Variants in SLAIN1 observed in about 807,000 individuals in gnomAD.
The protein encoded by SLAIN1 is SLAIN family member 1.
SLAIN1 carries 17 observed loss-of-function variants against 55.4 expected under a neutral mutation model. That is an observed-to-expected ratio of 0.31 (90% CI 0.21 to 0.46). The LOEUF (loss-of-function observed/expected upper bound fraction) is 0.46. Among genes scored for constraint, SLAIN1 ranks in the 20% least tolerant of loss-of-function variants. SLAIN1 has a pLI of 1.00. For missense variants in SLAIN1, 682 were observed against 785.1 expected, an observed-to-expected ratio of 0.87 and a Z score of 1.57; for synonymous variants, 348 against 337.4, an observed-to-expected ratio of 1.03 and a Z score of -0.35.
At chr13:77,750,257 A>AT (rs1300902680) in intron 4 of SLAIN1, among the ~76,000 whole-genome samples, 2 of 152,166 alleles carry the variant, frequency 1.3e-5, no homozygotes, top group Non-Finnish European at 2.9e-5. Flanking sequence ...TTATGATACT[A>AT]TTTTTTAACA....
chr13:77,755,330 GA>G (rs368459258), intron 5 of SLAIN1, among the ~76,000 whole-genome samples: 5,855 of 140,832 alleles, frequency 0.042, 198 homozygotes, highest in Admixed American at 0.077. Context: ...CTTGAAAAAA[GA>G]AAAAAAAAAA....
chr13:77,723,458 A>C (rs753284720), intron 2 of SLAIN1, among the ~76,000 whole-genome samples: 5 of 152,204 alleles, frequency 3.3e-5, no homozygotes, highest in Admixed American at 6.5e-5. Context: ...TGTGGCAGGT[A>C]AATTTTGAGA....
intron 2 of SLAIN1, among the ~76,000 whole-genome samples, chr13:77,721,734 C>G (rs532144434): frequency 2.0e-5 from 3 of 151,610 alleles, no homozygotes; most frequent in South Asian, 2.1e-4. Flanking sequence ...TCCAATATAA[C>G]TTTATTTACA....
intron 2 of SLAIN1, among the ~76,000 whole-genome samples, chr13:77,739,501 T>C (rs1873303024): frequency 6.6e-6 from 1 of 152,160 alleles, no homozygotes; most frequent in African/African-American, 2.4e-5. Context: ...TTTAGTTTAA[T>C]GCACTACCGA....
intron 2 of SLAIN1, among the ~76,000 whole-genome samples, chr13:77,738,257 C>CACAT (rs1411042145): frequency 1.3e-5 from 2 of 151,254 alleles, no homozygotes; most frequent in South Asian, 2.1e-4. Context: ...CACATATATA[C>CACAT]ATATACATAT....
At chr13:77,722,808 G>A (rs1594265858) in intron 2 of SLAIN1, among the ~76,000 whole-genome samples, 2 of 152,132 alleles carry the variant, frequency 1.3e-5, no homozygotes, top group Non-Finnish European at 2.9e-5. Flanking sequence ...GTGCAGTGGT[G>A]TAATCTCAGC....
At position 77,697,912 on chromosome 13, in the gene SLAIN1, C is replaced by T; in HGVS notation, c.-2C>T. Reference sequence around the variant, plus strand: ...GCGGCCGCGGCGCCCTCGGGGCCCACGATGATGGCGGAGCAGGTGAAATGC... The same window carrying T: ...GCGGCCGCGGCGCCCTCGGGGCCCATGATGATGGCGGAGCAGGTGAAATGC... On this transcript the variant is annotated 5_prime_UTR_variant, in exon 1 of 7. In the 5' UTR this introduces an upstream ATG that the reference lacks. Transcript: ENST00000418532. The T allele has an allele frequency of 2.2e-6, 3 of 1,392,460 alleles. No homozygotes were observed. Among genetic ancestry groups the T allele is most frequent in the Non-Finnish European group, 2.8e-6 (3 of 1,063,324 alleles). The allele number at this position is 1,392,460 out of a possible 1,614,324, so 86.3% of individuals were successfully genotyped here. A position where few individuals can be genotyped will look rare whatever the true frequency, so the allele number is the denominator to read the frequency against.
At chr13:77,755,441 T>C (rs1874529977) in intron 5 of SLAIN1, among the ~76,000 whole-genome samples, 1 of 152,178 alleles carries the variant, frequency 6.6e-6, no homozygotes, top group Non-Finnish European at 1.5e-5. Context: ...TGTGTATTAG[T>C]AGCAGATTTG....
chr13:77,701,889 G>T (rs1024481710), intron 1 of SLAIN1, among the ~76,000 whole-genome samples: 2 of 147,988 alleles, frequency 1.4e-5, no homozygotes, highest in Admixed American at 6.7e-5. Flanking sequence ...CTAGCATTAG[G>T]TATATCTCCC....
chr13:77,701,210 T>A (rs1353947299), intron 1 of SLAIN1, among the ~76,000 whole-genome samples: 1 of 150,098 alleles, frequency 6.7e-6, no homozygotes, highest in Non-Finnish European at 1.5e-5. Context: ...AAAATGTGTT[T>A]GCTTATTTAT....
intron 1 of SLAIN1, among the ~76,000 whole-genome samples, chr13:77,703,809 C>G (rs1259595525): frequency 6.7e-6 from 1 of 150,052 alleles, no homozygotes; most frequent in Non-Finnish European, 1.5e-5. Flanking sequence ...ATAAAACTTG[C>G]AGAGATTGAA....
intron 1 of SLAIN1, among the ~76,000 whole-genome samples, chr13:77,717,732 T>C (rs2091222074): frequency 6.6e-6 from 1 of 152,180 alleles, no homozygotes; most frequent in African/African-American, 2.4e-5. Flanking sequence ...TGAGTGCCTC[T>C]CAAGATGTGG....
Position 77,744,448 on chromosome 13 carries a change from A to T in SLAIN1, c.916+16A>T. On this transcript the variant is annotated intron_variant, in intron 3 of 6. Transcript: ENST00000418532. The stretch of plus-strand genomic sequence containing the variant: ...CAAGAAGAAAGTATGTGTTCTTTCT[A>T]AACTAGCAAAATGAGGCTTCCACTT... The T allele has an allele frequency of 6.2e-7, 1 of 1,608,058 alleles. No homozygotes were observed. Among genetic ancestry groups the T allele is most frequent in the Non-Finnish European group, 8.5e-7 (1 of 1,179,152 alleles).
intron 1 of SLAIN1, among the ~76,000 whole-genome samples, chr13:77,703,186 C>A (rs1436335883): frequency 3.3e-5 from 5 of 151,916 alleles, no homozygotes; most frequent in Admixed American, 2.0e-4. Flanking sequence ...TTAACTTTCC[C>A]AACTGGGAAA....
chr13:77,726,463 A>G (rs945076676), intron 2 of SLAIN1, among the ~76,000 whole-genome samples: 3 of 151,956 alleles, frequency 2.0e-5, no homozygotes, highest in African/African-American at 4.8e-5. Flanking sequence ...GTCTTACTCT[A>G]TTGCCTAGGC....
intron 1 of SLAIN1, among the ~76,000 whole-genome samples, chr13:77,710,095 G>C (rs575645236): frequency 7.2e-5 from 11 of 152,092 alleles, no homozygotes; most frequent in Admixed American, 2.0e-4. Context: ...CAATGGAAAG[G>C]AAAAACCAGT....
Position 77,763,210 on chromosome 13 carries a change from G to T in SLAIN1, c.1763G>T (p.Gly588Val). 2 of 1,613,794 alleles carry T rather than the reference G, an allele frequency of 1.2e-6. No homozygotes were observed. Among genetic ancestry groups the T allele is most frequent in the Non-Finnish European group, 1.7e-6 (2 of 1,179,726 alleles). Residue 588 changes from glycine (G) to valine (V), a missense_variant, in exon 7 of 7, where the codon GGT becomes GTT. Gly to Val is a moderately radical substitution (Grantham distance 109). This residue lies in a region of SLAIN1 where 244 missense variants were observed against 295.2 expected (regional missense o/e 0.83). Coordinates refer to ENST00000418532, the MANE Select transcript of SLAIN1 (RefSeq NM_001242868.2). ...CTGAGGGATGGAAATTGGAGAGATG[G>T]TTGCTACTAATGCAGTTTTATGTAC... ...STLRDGNWRD[G>V]CY
At chr13:77,761,678 AC>A (rs2154411123) in intron 6 of SLAIN1, among the ~76,000 whole-genome samples, 1 of 152,260 alleles carries the variant, frequency 6.6e-6, no homozygotes, top group South Asian at 2.1e-4. Flanking sequence ...AATGACATTC[AC>A]CTGGGGCTTT....
intron 1 of SLAIN1, among the ~76,000 whole-genome samples, chr13:77,716,387 A>T (rs1203616634): frequency 6.6e-6 from 1 of 151,444 alleles, no homozygotes; most frequent in Non-Finnish European, 1.5e-5. Flanking sequence ...TTCCATATGA[A>T]TTTTAGATCA....
Sources: gnomAD v4.1 joint callset for allele counts (sites outside exome capture counted in the v4.1 genomes callset) on GRCh38, gnomAD v4.1.1 for gene constraint, gnomAD v4.1.1 regional missense constraint, MANE v1.5 for transcripts, NCBI Gene and HGNC (gene_info 2026-07-23, HGNC 2026-07-21) for gene names.